The following DCUN1D4 variants were observed in gnomAD, a reference collection of about 807,000 sequenced individuals.
DCUN1D4 encodes the protein DCN1-like protein 4.
In DCUN1D4, 22 loss-of-function variants were observed where a neutral mutation model predicts 47.9. The ratio of observed to expected loss-of-function variants is 0.46; its 90% CI spans 0.33 to 0.66. The LOEUF (loss-of-function observed/expected upper bound fraction) is 0.66. Ranked by LOEUF, DCUN1D4 falls within the 30% of genes least tolerant of loss-of-function variation. The pLI, the probability that DCUN1D4 is intolerant of heterozygous loss-of-function variation, is 0.02. For missense variants in DCUN1D4, 301 were observed against 340.8 expected (o/e 0.88, Z 0.92); for synonymous variants, 121 against 112.2 (o/e 1.08, Z -0.50).
At position 51,844,353 on chromosome 4, in the gene DCUN1D4, C is replaced by T. The variant is rs528253656; in HGVS notation, c.25+1086C>T. 4 of 984,738 alleles carry T rather than the reference C, an allele frequency of 4.1e-6. No homozygotes were observed. The South Asian group carries it at 1.4e-4, about 35-fold the overall frequency. 61.0% of individuals were successfully genotyped at this position (984,738 alleles called of 1,614,324 possible). A position where few individuals can be genotyped will look rare whatever the true frequency, so the allele number is the denominator to read the frequency against. Reference sequence around the variant, plus strand: ...AGGTGGAGGAGACGGGGTAAGTGCCCTAAGGTTGGAACTGGCCGTGGTTCC... The same window carrying T: ...AGGTGGAGGAGACGGGGTAAGTGCCTTAAGGTTGGAACTGGCCGTGGTTCC... On this transcript the variant is annotated intron_variant, in intron 1 of 10. Transcript: ENST00000334635.
intron 1 of DCUN1D4, among the ~76,000 whole-genome samples, chr4:51,852,369 A>G (rs958369961): frequency 4.1e-4 from 63 of 152,330 alleles, no homozygotes; most frequent in African/African-American, 1.5e-3. Flanking sequence ...AAACTAGAAA[A>G]CAACTACTAA....
chr4:51,855,860 A>T (rs1261785887), intron 1 of DCUN1D4, among the ~76,000 whole-genome samples: 4 of 152,194 alleles, frequency 2.6e-5, no homozygotes, highest in African/African-American at 9.7e-5. Flanking sequence ...AAAAGAGGGC[A>T]TGTGTTTCTA....
chr4:51,901,431 C>T (rs1732097469), intron 8 of DCUN1D4, among the ~76,000 whole-genome samples: 1 of 152,216 alleles, frequency 6.6e-6, no homozygotes, highest in African/African-American at 2.4e-5. Context: ...ACAACTAAGT[C>T]CCAAGCTTCC....
the DCUN1D4 span, among the ~76,000 whole-genome samples, chr4:51,835,781 G>A: frequency 1.3e-5 from 2 of 152,116 alleles, no homozygotes; most frequent in African/African-American, 4.8e-5. Flanking sequence ...CCTGTGTCTG[G>A]GTGTGGGTGG....
Position 51,913,691 on chromosome 4 carries a change from T to C in DCUN1D4, c.*107T>C. ...CGCATGCTGCTTCTCTTGCACTGTT[T>C]CCCTTTCGCAGGGACATGTTGGTGT... is the stretch of plus-strand genomic sequence containing the variant. On this transcript the variant is annotated 3_prime_UTR_variant, in exon 11 of 11. Coordinates refer to ENST00000334635, the MANE Select transcript of DCUN1D4 (RefSeq NM_001040402.3). 9.9e-7 allele frequency: 1 copy of C among 1,013,968 alleles called. No individual in the cohort carries two copies. Among genetic ancestry groups the C allele is most frequent in the Non-Finnish European group, 1.5e-6 (1 of 660,194 alleles). 62.8% of individuals were successfully genotyped at this position (1,013,968 alleles called of 1,614,324 possible).
intron 3 of DCUN1D4, among the ~76,000 whole-genome samples, chr4:51,869,949 G>A (rs1726616246): frequency 6.6e-6 from 1 of 151,866 alleles, no homozygotes; most frequent in Non-Finnish European, 1.5e-5. Flanking sequence ...AATAATCTTT[G>A]GGCAAAAATT....
intron 3 of DCUN1D4, 82 bp downstream of exon 3, chr4:51,863,791 T>A (rs957122769): frequency 3.8e-5 from 53 of 1,409,196 alleles, no homozygotes; most frequent in Middle Eastern, 3.6e-4. Context: ...GAATGCGCTA[T>A]GTTGTCATAA....
At chr4:51,845,010 C>T (rs1289516731) in intron 1 of DCUN1D4, 1 of 985,364 alleles carries the variant, frequency 1.0e-6, no homozygotes. Context: ...CAGGCGCAGC[C>T]CTCTTCACGC....
At chr4:51,895,185 T>G (rs1731048371) in intron 7 of DCUN1D4, among the ~76,000 whole-genome samples, 1 of 151,854 alleles carries the variant, frequency 6.6e-6, no homozygotes, top group Non-Finnish European at 1.5e-5. Context: ...TTCATTATAT[T>G]TGGTTAAAAT....
chr4:51,841,317 T>C (rs1359839208), upstream of DCUN1D4, among the ~76,000 whole-genome samples: 6 of 152,296 alleles, frequency 3.9e-5, no homozygotes, highest in Non-Finnish European at 4.4e-5. Context: ...TATTATTTCC[T>C]AGATGTAGAT....
At chr4:51,885,681 CT>C (rs925304769) in intron 5 of DCUN1D4, among the ~76,000 whole-genome samples, 1 of 152,102 alleles carries the variant, frequency 6.6e-6, no homozygotes, top group African/African-American at 2.4e-5. Context: ...TTAAAATTTC[CT>C]AGGAATAATG....
Position 51,889,330 on chromosome 4 carries a change from T to C in DCUN1D4, c.415-2430T>C, listed in dbSNP as rs74918526. ...ATGGTGTTTTCAAGCCTTGTCTGCA[T>C]TGATGGGCAAGCACGTTTAAGGTAT... On this transcript the variant is annotated intron_variant, in intron 6 of 10. Coordinates refer to ENST00000334635, the MANE Select transcript of DCUN1D4 (RefSeq NM_001040402.3). 3.2e-3 allele frequency among the ~76,000 whole-genome samples: 481 copies of C among 152,354 alleles called. 1 individual carries two copies. The highest frequency in any genetic ancestry group is 0.011 in the African/African-American group (467 of 41,584).
chr4:51,870,094 A>C (rs1228411205), intron 3 of DCUN1D4, among the ~76,000 whole-genome samples: 1 of 152,232 alleles, frequency 6.6e-6, no homozygotes, highest in Admixed American at 6.5e-5. Context: ...CTCTGATGCC[A>C]GATGTTCGTA....
upstream of DCUN1D4, among the ~76,000 whole-genome samples, chr4:51,841,481 C>T (rs995980502): frequency 3.9e-5 from 6 of 152,156 alleles, no homozygotes; most frequent in Non-Finnish European, 5.9e-5. Flanking sequence ...CGCTGAGGTA[C>T]TGTCATGATA....
At chr4:51,873,557 A>G (rs537416743) in intron 3 of DCUN1D4, among the ~76,000 whole-genome samples, 2 of 152,362 alleles carry the variant, frequency 1.3e-5, no homozygotes, top group Non-Finnish European at 2.9e-5. Flanking sequence ...AACTGAACCT[A>G]AATGAGTTAG....
chr4:51,845,831 A>G (rs1478392900), intron 1 of DCUN1D4, among the ~76,000 whole-genome samples: 2 of 152,340 alleles, frequency 1.3e-5, no homozygotes, highest in South Asian at 2.1e-4. Flanking sequence ...GGTTCTTTTC[A>G]TGATGAGTGA....
intron 1 of DCUN1D4, among the ~76,000 whole-genome samples, chr4:51,862,468 G>A (rs781134831): frequency 2.6e-5 from 4 of 152,154 alleles, no homozygotes; most frequent in Non-Finnish European, 5.9e-5. Flanking sequence ...GATCTGATAC[G>A]TGTCCTAAAT....
chr4:51,897,855 A>G (rs1313441704), intron 7 of DCUN1D4, among the ~76,000 whole-genome samples: 1 of 152,248 alleles, frequency 6.6e-6, no homozygotes, highest in East Asian at 1.9e-4. Flanking sequence ...ACAGTAACAG[A>G]TTATAACACA....
At chr4:51,907,251 T>G (rs1301376401) in intron 8 of DCUN1D4, among the ~76,000 whole-genome samples, 1 of 152,254 alleles carries the variant, frequency 6.6e-6, no homozygotes, top group African/African-American at 2.4e-5. Flanking sequence ...AGAATTGAGC[T>G]TAATTGATTG....
Sources: gnomAD v4.1 joint callset for allele counts (sites outside exome capture counted in the v4.1 genomes callset) on GRCh38, gnomAD v4.1.1 for gene constraint, MANE v1.5 for transcripts, NCBI Gene and HGNC (gene_info 2026-07-23, HGNC 2026-07-21) for gene names.